EYS: variants seen among roughly 807,000 people sequenced by gnomAD.
EYS encodes the protein protein eyes shut homolog.
EYS carries 250 observed loss-of-function variants against 282.1 expected under a neutral mutation model. The ratio of observed to expected loss-of-function variants is 0.89; its 90% CI spans 0.80 to 0.98. The LOEUF (loss-of-function observed/expected upper bound fraction) is 0.98. Ranked by LOEUF, EYS falls within the 50% of genes least tolerant of loss-of-function variation. EYS has a pLI of 0.00. For missense variants in EYS, 4,016 were observed against 3,709.0 expected, an observed-to-expected ratio of 1.08 and a Z score of -2.15; for synonymous variants, 1,355 against 1,282.9, an observed-to-expected ratio of 1.06 and a Z score of -1.20.
At chr6:65,704,411 G>A (rs760139536) in intron 1 of EYS, among the ~76,000 whole-genome samples, 17 of 152,132 alleles carry the variant, frequency 1.1e-4, no homozygotes, top group African/African-American at 3.9e-4. Flanking sequence ...GCCCATGCTC[G>A]ATTACTCTGC....
chr6:65,460,971 T>C (rs1005022017), intron 5 of EYS, among the ~76,000 whole-genome samples: 9 of 152,256 alleles, frequency 5.9e-5, no homozygotes, highest in African/African-American at 2.2e-4. Context: ...CAAATACTGT[T>C]TCTATATCAA....
At chr6:64,236,160 A>T (rs1766599248) in intron 30 of EYS, among the ~76,000 whole-genome samples, 1 of 152,178 alleles carries the variant, frequency 6.6e-6, no homozygotes, top group Admixed American at 6.5e-5. Flanking sequence ...TTTTTAATAG[A>T]GACGGGGTTT....
In EYS at chr6:63,760,148, C is replaced by T. The variant is rs549097921; in HGVS notation, c.8071+2313G>A. 5.1e-4 allele frequency among the ~76,000 whole-genome samples: 78 copies of T among 152,086 alleles called. 2 individuals are homozygous for T. Among genetic ancestry groups the T allele is most frequent in the African/African-American group, 1.9e-3 (77 of 41,518 alleles). On this transcript the variant is annotated intron_variant, in intron 41 of 42. Coordinates refer to ENST00000503581, the MANE Select transcript of EYS (RefSeq NM_001142800.2). Reference sequence around the variant, plus strand: ...CTGGGTTAAAAGTAAAAAACTCACACATTATGGAATCTAACTTGCTATATG... The same window carrying T: ...CTGGGTTAAAAGTAAAAAACTCACATATTATGGAATCTAACTTGCTATATG...
intron 19 of EYS, among the ~76,000 whole-genome samples, chr6:64,883,052 AG>A: frequency 6.6e-6 from 1 of 151,608 alleles, no homozygotes; most frequent in Middle Eastern, 3.4e-3. Context: ...TTTAGGCAGC[AG>A]AAACAATATA....
chr6:63,956,831 G>A lies in EYS; in HGVS notation c.7055+27552C>T, dbSNP rs75864341. Among the ~76,000 whole-genome samples the A allele has an allele frequency of 5.4e-3, 825 of 152,140 alleles. 5 individuals are homozygous for A. Among genetic ancestry groups the A allele is most frequent in the Admixed American group, 8.4e-3 (129 of 15,276 alleles). ...TGCCAAAAAAGTTTAAAATTTTCCCGCCCCTGGATAGTGTGACTAAAATTT... is the reference window on the plus strand; with the variant it reads ...TGCCAAAAAAGTTTAAAATTTTCCCACCCCTGGATAGTGTGACTAAAATTT... On this transcript the variant is annotated intron_variant, in intron 35 of 42. Coordinates refer to ENST00000503581, the MANE Select transcript of EYS (RefSeq NM_001142800.2).
At chr6:64,164,747 A>G (rs75823604) in intron 31 of EYS, among the ~76,000 whole-genome samples, 1,681 of 152,264 alleles carry the variant, frequency 0.011, 29 homozygotes, top group African/African-American at 0.038. Flanking sequence ...ATAAAATGGA[A>G]CAACAATATA....
At chr6:64,806,084 G>A (rs1764413595) in intron 22 of EYS, among the ~76,000 whole-genome samples, 1 of 151,568 alleles carries the variant, frequency 6.6e-6, no homozygotes, top group Admixed American at 6.6e-5. Context: ...ATAGGTTGAT[G>A]TTTTAAATTT....
intron 42 of EYS, among the ~76,000 whole-genome samples, chr6:63,722,690 T>C (rs1327229135): frequency 6.6e-6 from 1 of 152,204 alleles, no homozygotes; most frequent in Non-Finnish European, 1.5e-5. Flanking sequence ...CTTTTTCTTT[T>C]CTCATCCAGG....
At chr6:65,634,886 G>C (rs1234194318) in intron 2 of EYS, among the ~76,000 whole-genome samples, 1 of 152,112 alleles carries the variant, frequency 6.6e-6, no homozygotes, top group East Asian at 1.9e-4. Flanking sequence ...TCTAACATCT[G>C]GATAAATTGT....
At chr6:64,205,706 C>T (rs146521247) in intron 31 of EYS, among the ~76,000 whole-genome samples, 1 of 152,156 alleles carries the variant, frequency 6.6e-6, no homozygotes, top group Admixed American at 6.5e-5. Flanking sequence ...GGATGATTTA[C>T]AGGCACCCCT....
intron 5 of EYS, among the ~76,000 whole-genome samples, chr6:65,486,406 T>C (rs13204633): frequency 0.12 from 18,229 of 152,178 alleles, 1,234 homozygotes; most frequent in South Asian, 0.22. Flanking sequence ...GACATTTTGG[T>C]AACAGAATGC....
chr6:65,382,748 G>A (rs1291143696), intron 8 of EYS, among the ~76,000 whole-genome samples: 2 of 151,820 alleles, frequency 1.3e-5, no homozygotes, highest in African/African-American at 4.8e-5. Context: ...ATGTAGGCTG[G>A]GAGGCTAAGC....
chr6:64,905,885 T>C (rs1455792244), intron 16 of EYS, among the ~76,000 whole-genome samples: 2 of 152,104 alleles, frequency 1.3e-5, no homozygotes, highest in Non-Finnish European at 2.9e-5. Flanking sequence ...AAAACTAGTG[T>C]ATACCATAGC....
At chr6:64,576,844 T>C (rs570773972) in intron 26 of EYS, among the ~76,000 whole-genome samples, 1 of 152,270 alleles carries the variant, frequency 6.6e-6, no homozygotes, top group South Asian at 2.1e-4. Context: ...GATTGGATTA[T>C]ATTCCCCCAG....
intron 36 of EYS, among the ~76,000 whole-genome samples, chr6:63,840,992 G>A (rs1485419647): frequency 1.3e-5 from 2 of 152,052 alleles, no homozygotes; most frequent in Non-Finnish European, 2.9e-5. Context: ...GATTGCCTTG[G>A]CTATTCAAAG....
intron 1 of EYS, among the ~76,000 whole-genome samples, chr6:65,706,312 C>G (rs1372185393): frequency 2.0e-5 from 3 of 151,548 alleles, no homozygotes; most frequent in African/African-American, 4.8e-5. Flanking sequence ...ATATTGTATA[C>G]TAAGTAATTA....
At chr6:64,448,378 C>A (rs921189149) in intron 26 of EYS, among the ~76,000 whole-genome samples, 2 of 152,232 alleles carry the variant, frequency 1.3e-5, no homozygotes, top group Non-Finnish European at 1.5e-5. Context: ...ATGGGTGGAG[C>A]CCACCACAGC....
intron 30 of EYS, among the ~76,000 whole-genome samples, chr6:64,296,594 ATATATTTTTTTTTT>A (rs1769031862): frequency 2.1e-4 from 1 of 4,874 alleles, no homozygotes; most frequent in African/African-American, 6.2e-4. Flanking sequence ...ACATATATAT[ATATATTTTTTTTTT>A]TTTTTTTTTT....
At chr6:64,362,470 A>G (rs1161442697) in intron 29 of EYS, among the ~76,000 whole-genome samples, 2 of 151,776 alleles carry the variant, frequency 1.3e-5, no homozygotes, top group African/African-American at 2.4e-5. Context: ...GAAGCTAAGA[A>G]TAACCGGTAT....
Sources: gnomAD v4.1 joint callset for allele counts (sites outside exome capture counted in the v4.1 genomes callset) on GRCh38, gnomAD v4.1.1 for gene constraint, MANE v1.5 for transcripts, NCBI Gene and HGNC (gene_info 2026-07-23, HGNC 2026-07-21) for gene names.